Variants in AP3S1 observed in about 807,000 individuals in gnomAD.
AP3S1 encodes the protein adaptor related protein complex 3 subunit sigma 1, also known as AP-3 complex subunit sigma-1.
In AP3S1, 12 loss-of-function variants were observed where a neutral mutation model predicts 21.3. The ratio of observed to expected loss-of-function variants is 0.56; its 90% CI spans 0.36 to 0.91. The LOEUF (loss-of-function observed/expected upper bound fraction) is 0.91, where lower values mean the gene tolerates loss of function less well. AP3S1 is among the 40% of genes least tolerant of loss of function. The pLI is 0.01. For synonymous variants in AP3S1, 48 were observed against 78.4 expected (o/e 0.61, Z 2.05); for missense variants, 116 against 225.0 (o/e 0.52, Z 3.10).
chr5:115,888,379 T>G (rs2112893727), intron 3 of AP3S1, among the ~76,000 whole-genome samples: 1 of 152,234 alleles, frequency 6.6e-6, no homozygotes, highest in East Asian at 1.9e-4. Flanking sequence ...GTTATTTGTT[T>G]TTTGTTGGCC....
At chr5:115,848,279 T>A (rs1457588376) in intron 1 of AP3S1, among the ~76,000 whole-genome samples, 1 of 152,024 alleles carries the variant, frequency 6.6e-6, no homozygotes, top group East Asian at 1.9e-4. Context: ...CTTAGTGTAT[T>A]TCCCCCCGGT....
In AP3S1 at chr5:115,847,661, CA is replaced by C. The variant is rs36014273; in HGVS notation, c.69+5564del. Among the ~76,000 whole-genome samples the C allele has an allele frequency of 4.8e-4, 72 of 150,598 alleles. 2 individuals carry two copies. The highest frequency in any genetic ancestry group is 2.5e-3 in the Admixed American group (38 of 15,162). ...TATGTTTTTATTGAGGTATAGATGA[CA>C]AAAAAAAATTACATATATTTACCGT... On this transcript the variant is annotated intron_variant, in intron 1 of 5. Transcript: ENST00000316788.
chr5:115,901,553 CTT>C (rs1375375319), intron 4 of AP3S1, among the ~76,000 whole-genome samples: 38 of 140,692 alleles, frequency 2.7e-4, no homozygotes, highest in Admixed American at 2.9e-4. Flanking sequence ...ATAATGATGA[CTT>C]TTTTTTTTTT....
chr5:115,855,004 GTA>G (rs1229711954), intron 1 of AP3S1, among the ~76,000 whole-genome samples: 2 of 149,688 alleles, frequency 1.3e-5, no homozygotes, highest in Admixed American at 1.3e-4. Flanking sequence ...GTGTGTGTGT[GTA>G]TGTATATATT....
chr5:115,849,294 A>G (rs566225189), intron 1 of AP3S1, among the ~76,000 whole-genome samples: 3 of 152,340 alleles, frequency 2.0e-5, no homozygotes, highest in East Asian at 3.9e-4. Flanking sequence ...TATATTAGAT[A>G]GGGTCATTGG....
intron 1 of AP3S1, among the ~76,000 whole-genome samples, chr5:115,844,360 A>G (rs1034825194): frequency 4.6e-5 from 7 of 151,610 alleles, no homozygotes; most frequent in East Asian, 1.9e-4. Flanking sequence ...CGTGCTGTGG[A>G]AAAAAAAATA....
At chr5:115,874,966 A>G (rs1748574670) in intron 3 of AP3S1, among the ~76,000 whole-genome samples, 1 of 152,174 alleles carries the variant, frequency 6.6e-6, no homozygotes, top group African/African-American at 2.4e-5. Context: ...GGATAATAAT[A>G]ATAACACCAA....
intron 1 of AP3S1, among the ~76,000 whole-genome samples, chr5:115,857,827 G>A (rs1762906016): frequency 6.6e-6 from 1 of 152,130 alleles, no homozygotes. Context: ...AGTGTTTGAT[G>A]TTTACGTTAA....
chr5:115,872,945 A>G (rs1385204325), intron 3 of AP3S1, among the ~76,000 whole-genome samples: 1 of 152,180 alleles, frequency 6.6e-6, no homozygotes, highest in Non-Finnish European at 1.5e-5. Context: ...CATGCACACT[A>G]TGTTCCAAAA....
At chr5:115,870,986 C>T (rs1453685111) in intron 3 of AP3S1, among the ~76,000 whole-genome samples, 3 of 152,124 alleles carry the variant, frequency 2.0e-5, no homozygotes, top group Non-Finnish European at 4.4e-5. Flanking sequence ...TGAAGAGGTC[C>T]AGATGATACC....
chr5:115,860,650 C>A (rs1395069852), intron 1 of AP3S1, among the ~76,000 whole-genome samples: 2 of 152,166 alleles, frequency 1.3e-5, no homozygotes, highest in Non-Finnish European at 2.9e-5. Context: ...TTCCCTCTCA[C>A]CAATTTAGGA....
chr5:115,843,335 T>C (rs1012023107), intron 1 of AP3S1, among the ~76,000 whole-genome samples: 3 of 152,266 alleles, frequency 2.0e-5, no homozygotes, highest in African/African-American at 7.2e-5. Flanking sequence ...AAAATGATAA[T>C]GCAGTCTGGA....
At chr5:115,909,174 T>A (rs1432641176) in intron 5 of AP3S1, among the ~76,000 whole-genome samples, 1 of 152,186 alleles carries the variant, frequency 6.6e-6, no homozygotes, top group Non-Finnish European at 1.5e-5. Context: ...ATTACTTTCC[T>A]TTTCCCTTCA....
chr5:115,902,895 T>C lies in AP3S1; in HGVS notation c.356T>C (p.Ile119Thr). ...TTTTATTCCCTTTAGGTTCACAATA[T>C]TCTTGCAGAAATGGTGATGGGGGGA... ...LIFHVDKVHN[I>T]LAEMVMGGMV... The change falls in exon 5 of 6, where the codon ATT becomes ACT. Residue 119 changes from isoleucine (I) to threonine (T), a missense_variant. Transcript: ENST00000316788. 1.2e-6 allele frequency: 2 copies of C among 1,612,944 alleles called. No homozygotes were observed.
At chr5:115,896,797 A>G (rs1216869884) in intron 4 of AP3S1, among the ~76,000 whole-genome samples, 1 of 152,148 alleles carries the variant, frequency 6.6e-6, no homozygotes, top group Non-Finnish European at 1.5e-5. Context: ...AAAAAAATTT[A>G]TGTTTTGGTA....
chr5:115,875,347 G>A (rs1449533532), intron 3 of AP3S1, among the ~76,000 whole-genome samples: 2 of 152,184 alleles, frequency 1.3e-5, no homozygotes, highest in East Asian at 1.9e-4. Flanking sequence ...AAATTATGGC[G>A]AGGTAGGTAC....
intron 1 of AP3S1, 140 bp from the exon 2 acceptor site, chr5:115,866,530 T>A (rs1763634555): frequency 4.6e-6 from 2 of 439,050 alleles, no homozygotes; most frequent in Non-Finnish European, 7.9e-6. Context: ...CTGTAAGGTA[T>A]AATTTAAGTC....
intron 3 of AP3S1, among the ~76,000 whole-genome samples, chr5:115,881,374 G>A (rs1561503302): frequency 6.6e-6 from 1 of 152,130 alleles, no homozygotes; most frequent in Non-Finnish European, 1.5e-5. Context: ...TCCTTCAGGA[G>A]CTCTTGTAAG....
At chr5:115,853,352 T>A (rs979052274) in intron 1 of AP3S1, among the ~76,000 whole-genome samples, 30 of 152,350 alleles carry the variant, frequency 2.0e-4, no homozygotes, top group Middle Eastern at 3.4e-3. Context: ...GTTCTTAATA[T>A]ACTCTAAGTG....
Sources: allele counts gnomAD v4.1 joint callset (sites outside exome capture counted in the v4.1 genomes callset), GRCh38; gene constraint gnomAD v4.1.1; transcripts MANE v1.5; gene names NCBI Gene and HGNC (gene_info 2026-07-23, HGNC 2026-07-21).